The following LIG3 variants were observed in gnomAD, a reference collection of about 807,000 sequenced individuals.
LIG3 encodes the protein DNA ligase 3.
A neutral mutation model predicts 110.9 loss-of-function variants in LIG3; 58 were observed. That is an observed-to-expected ratio of 0.52 (90% CI 0.42 to 0.65). The LOEUF is 0.65. LIG3 is among the 30% of genes least tolerant of loss of function. The probability of loss-of-function intolerance (pLI) is 0.00; values close to 1 mark genes in which losing one functional copy is unlikely to be tolerated. For synonymous variants in LIG3, 422 were observed against 472.8 expected, an observed-to-expected ratio of 0.89 and a Z score of 1.39; for missense variants, 1,094 against 1,273.8, an observed-to-expected ratio of 0.86 and a Z score of 2.15.
At position 35,001,297 on chromosome 17, in the gene LIG3, A is replaced by G; in HGVS notation, c.2372A>G (p.Lys791Arg). ...VWEITGAEFS[K>R]SEAHTADGIS... ...GAGATCACAGGGGCTGAATTCTCCA[A>G]ATCGGAGGCTCATACAGCTGACGGG... is the stretch of plus-strand genomic sequence containing the variant. Residue 791 changes from lysine to arginine, a missense_variant, in exon 17 of 20, where the codon AAA becomes AGA. Lys to Arg is a conservative substitution (Grantham distance 26). Coordinates refer to ENST00000378526, the MANE Select transcript of LIG3 (RefSeq NM_013975.4). 6.2e-7 allele frequency: 1 copy of G among 1,614,162 alleles called. No individual in the cohort carries two copies. The highest frequency in any genetic ancestry group is 8.5e-7 in the Non-Finnish European group (1 of 1,180,008).
intron 6 of LIG3, 40 bp downstream of exon 6, chr17:34,991,877 A>T (rs369638135): frequency 9.9e-6 from 16 of 1,612,856 alleles, no homozygotes; most frequent in Non-Finnish European, 1.4e-5. Flanking sequence ...CCATAGAGAG[A>T]TGAACTCTCT....
rs564126770 is a variant in LIG3, at chr17:34,980,512, G to T, written c.-115G>T. 2.8e-3 allele frequency: 3,553 copies of T among 1,270,784 alleles called. 17 individuals carry two copies. The highest frequency in any genetic ancestry group is 3.0e-3 in the Admixed American group (129 of 42,584). The allele number at this position is 1,270,784 out of a possible 1,614,324, so 78.7% of individuals were successfully genotyped here. A position where few individuals can be genotyped will look rare whatever the true frequency, so the allele number is the denominator to read the frequency against. Reference sequence around the variant, plus strand: ...CTCTTGCGCCTGCGCGCTGCCTCCCGCTCTAGGACCCGGATTTAAAGAGAC... The same window carrying T: ...CTCTTGCGCCTGCGCGCTGCCTCCCTCTCTAGGACCCGGATTTAAAGAGAC... On this transcript the variant is annotated 5_prime_UTR_variant, in exon 1 of 20. Transcript: ENST00000378526.
At chr17:34,990,841 C>T in intron 4 of LIG3, 122 bp from the exon 5 acceptor site, 1 of 838,288 alleles carries the variant, frequency 1.2e-6, no homozygotes, top group South Asian at 1.8e-5. Flanking sequence ...AAGCAATTCT[C>T]CTGCTTCGGC....
rs116089892 is a variant in LIG3, at chr17:34,991,390, G to A, written c.1041+276G>A. ...GACTTGCCCCCTCTGTCTCTCCTGG[G>A]GCTTTTATTCTGGACTCTTTTTTTC... is the stretch of plus-strand genomic sequence containing the variant. On this transcript the variant is annotated intron_variant, in intron 5 of 19. Coordinates refer to ENST00000378526, the MANE Select transcript of LIG3 (RefSeq NM_013975.4). The A allele has an allele frequency of 1.0e-3, 596 of 570,610 alleles. 3 individuals are homozygous for A. The highest frequency in any genetic ancestry group is 9.6e-3 in the African/African-American group (514 of 53,384). The allele number at this position is 570,610 out of a possible 1,614,324, so 35.3% of individuals were successfully genotyped here.
chr17:34,998,162 C>A, intron 12 of LIG3, 57 bp from the exon 13 acceptor site: 1 of 1,341,524 alleles, frequency 7.5e-7, no homozygotes, highest in Non-Finnish European at 1.1e-6. Context: ...ACAACCCCCA[C>A]TCACTCACCA....
chr17:34,997,628 C>T, intron 11 of LIG3, 110 bp from the exon 12 acceptor site: 1 of 796,980 alleles, frequency 1.3e-6, no homozygotes, highest in Admixed American at 1.9e-5. Context: ...TGATCCATGG[C>T]AAACCCTTTC....
rs747119058 is a variant in LIG3 at position 35,005,707 on chromosome 17, T to C, written c.*1201T>C. On this transcript the variant is annotated 3_prime_UTR_variant, in exon 20 of 20. Coordinates refer to ENST00000378526, the MANE Select transcript of LIG3 (RefSeq NM_013975.4). ...AGTTTTTTCATGGCTGGAGTATTCA[T>C]GTGAATGAAACTGCCGGGCTATCTG... 1.8e-6 allele frequency: 1 copy of C among 561,194 alleles called. No homozygotes were observed. Among genetic ancestry groups the C allele is most frequent in the Non-Finnish European group, 3.6e-6 (1 of 277,516 alleles). The allele number at this position is 561,194 out of a possible 1,614,324, so 34.8% of individuals were successfully genotyped here. A position where few individuals can be genotyped will look rare whatever the true frequency, so the allele number is the denominator to read the frequency against.
intron 3 of LIG3, among the ~76,000 whole-genome samples, chr17:34,988,952 C>T (rs948237813): frequency 6.6e-6 from 1 of 152,290 alleles, no homozygotes; most frequent in Non-Finnish European, 1.5e-5. Flanking sequence ...GATTTCTTAC[C>T]CCTTTCTCAT....
chr17:35,004,592 T>A lies in LIG3; in HGVS notation c.*86T>A. 1 of 1,124,430 alleles carries A rather than the reference T, an allele frequency of 8.9e-7. No individual in the cohort carries two copies. Among genetic ancestry groups the A allele is most frequent in the Non-Finnish European group, 1.3e-6 (1 of 761,676 alleles). The allele number at this position is 1,124,430 out of a possible 1,614,324, so 69.7% of individuals were successfully genotyped here. A position where few individuals can be genotyped will look rare whatever the true frequency, so the allele number is the denominator to read the frequency against. ...TCAGGCTGGAGGCAGATAGACACAG[T>A]ATAGGGGGAATGGGCTTGCTTCTCC... On this transcript the variant is annotated 3_prime_UTR_variant, in exon 20 of 20. Coordinates refer to ENST00000378526, the MANE Select transcript of LIG3 (RefSeq NM_013975.4).
rs568741138 is a variant in LIG3, at chr17:34,999,479, T to C, written c.2256+30T>C. The C allele has an allele frequency of 3.1e-6, 5 of 1,604,374 alleles. No homozygotes were observed. The African/African-American group carries it at 6.7e-5, about 21-fold the overall frequency. On this transcript the variant is annotated intron_variant, in intron 15 of 19. Transcript: ENST00000378526. ...GGAAGGGACCTGGTTGGCCATGGCC[T>C]CTGGACTGGCCGCCATCACTGAGAC...
chr17:34,996,567 C>T lies in LIG3; in HGVS notation c.1744-7C>T. 1.2e-6 allele frequency: 2 copies of T among 1,612,524 alleles called. No homozygotes were observed. Among genetic ancestry groups the T allele is most frequent in the Non-Finnish European group, 1.7e-6 (2 of 1,178,826 alleles). On this transcript the variant is annotated splice_region_variant and splice_polypyrimidine_tract_variant and intron_variant, in intron 10 of 19. Coordinates refer to ENST00000378526, the MANE Select transcript of LIG3 (RefSeq NM_013975.4). ...ATGTGTACCTACTACCTCATTTTCCCTTACAGAAAGCAGCCTTCCAGGATG... is the reference window on the plus strand; with the variant it reads ...ATGTGTACCTACTACCTCATTTTCCTTTACAGAAAGCAGCCTTCCAGGATG...
chr17:34,997,632 C>T, intron 11 of LIG3, 106 bp from the exon 12 acceptor site: 6 of 817,092 alleles, frequency 7.3e-6, no homozygotes, highest in Admixed American at 1.8e-5. Context: ...CCATGGCAAA[C>T]CCTTTCTTGA....
rs2090699559 is a variant in LIG3, at chr17:34,989,851, C to T, written c.889+188C>T. 24 of 593,330 alleles carry T rather than the reference C, an allele frequency of 4.0e-5. No homozygotes were observed. In the South Asian group the frequency reaches 5.0e-4, roughly 12 times the overall value. The allele number at this position is 593,330 out of a possible 1,614,324, so 36.8% of individuals were successfully genotyped here. On this transcript the variant is annotated intron_variant, in intron 4 of 19. Coordinates refer to ENST00000378526, the MANE Select transcript of LIG3 (RefSeq NM_013975.4). ...TCGCATTTGCATTTTGCACTGTACTCCACAAATTATGTAGCCAGTTTTTCT... is the reference window on the plus strand; with the variant it reads ...TCGCATTTGCATTTTGCACTGTACTTCACAAATTATGTAGCCAGTTTTTCT...
At chr17:34,988,747 T>C (rs1296039399) in intron 3 of LIG3, among the ~76,000 whole-genome samples, 1 of 152,204 alleles carries the variant, frequency 6.6e-6, no homozygotes, top group Non-Finnish European at 1.5e-5. Flanking sequence ...TTGAGTGTAC[T>C]AATGGAATCT....
rs951266065 is a variant in LIG3 at position 35,006,533 on chromosome 17, A to G, written c.*2027A>G. 6.6e-6 allele frequency: 1 copy of G among 152,216 alleles called. No individual in the cohort carries two copies. The highest frequency in any genetic ancestry group is 1.5e-5 in the Non-Finnish European group (1 of 68,066). The allele number at this position is 152,216 out of a possible 1,614,324, so 9.4% of individuals were successfully genotyped here. ...AAGCACTTAGCCCAGAGCCTAGCAC[A>G]TAGTTATCTAGAGTTGGGAACGTCA... is the stretch of plus-strand genomic sequence containing the variant. On this transcript the variant is annotated 3_prime_UTR_variant, in exon 20 of 20. Coordinates refer to ENST00000378526, the MANE Select transcript of LIG3 (RefSeq NM_013975.4).
chr17:35,009,796 T>TTGTA (rs1408094260), downstream of LIG3: 1 of 152,614 alleles, frequency 6.6e-6, no homozygotes, highest in African/African-American at 2.4e-5. Flanking sequence ...AGAAAGCAGG[T>TTGTA]TGTAAGTAGA....
At chr17:35,004,130 GT>G (rs910308285) in intron 19 of LIG3, 142 bp from the exon 20 acceptor site, 88 of 631,504 alleles carry the variant, frequency 1.4e-4, no homozygotes, top group Admixed American at 8.2e-4. Context: ...AGGGGTGGGG[GT>G]ATTGATGCAT....
intron 13 of LIG3, 92 bp from the exon 14 acceptor site, chr17:34,998,512 T>G: frequency 6.7e-7 from 1 of 1,499,876 alleles, no homozygotes; most frequent in South Asian, 1.2e-5. Flanking sequence ...GGAGGGGCAC[T>G]GGGCTAGATC....
Position 34,998,210 on chromosome 17 carries a change from G to T in LIG3, c.1912-9G>T, listed in dbSNP as rs1191304740. On this transcript the variant is annotated splice_polypyrimidine_tract_variant and intron_variant, in intron 12 of 19. Coordinates refer to ENST00000378526, the MANE Select transcript of LIG3 (RefSeq NM_013975.4). ...TCACACCAACTTCAGCATCTCTCTT[G>T]TCCCTCAGAAAGCTTTGGACTTGGC... 6.2e-7 allele frequency: 1 copy of T among 1,608,868 alleles called. No individual in the cohort carries two copies. Among genetic ancestry groups the T allele is most frequent in the Non-Finnish European group, 8.5e-7 (1 of 1,177,428 alleles).
Sources: gnomAD v4.1 joint callset for allele counts (sites outside exome capture counted in the v4.1 genomes callset) on GRCh38, gnomAD v4.1.1 for gene constraint, MANE v1.5 for transcripts, NCBI Gene and HGNC (gene_info 2026-07-23, HGNC 2026-07-21) for gene names.